Variants in SHROOM3 observed in about 807,000 individuals in gnomAD.
SHROOM3 encodes the protein shroom family member 3, also known as protein Shroom3.
SHROOM3 carries 47 observed loss-of-function variants against 138.6 expected under a neutral mutation model. That is an observed-to-expected ratio of 0.34 (90% CI 0.27 to 0.43). The LOEUF (loss-of-function observed/expected upper bound fraction) is 0.43, where lower values mean the gene tolerates loss of function less well. SHROOM3 is among the 20% of genes least tolerant of loss of function. The pLI is 1.00. For missense variants in SHROOM3, 2,491 were observed against 2,596.5 expected, an observed-to-expected ratio of 0.96 and a Z score of 0.88; for synonymous variants, 1,062 against 1,063.3, an observed-to-expected ratio of 1.00 and a Z score of 0.02.
chr4:76,525,801 C>T (rs1732676970), intron 1 of SHROOM3, among the ~76,000 whole-genome samples: 1 of 152,196 alleles, frequency 6.6e-6, no homozygotes, highest in Non-Finnish European at 1.5e-5. Flanking sequence ...ATCATTGCCT[C>T]AGCATGGATG....
rs531027810 is a variant in SHROOM3, at chr4:76,447,459, T to C, written c.168+11239T>C. On this transcript the variant is annotated intron_variant, in intron 1 of 10. Coordinates refer to ENST00000296043, the MANE Select transcript of SHROOM3 (RefSeq NM_020859.4). ...TTCACATTTTTGAGGCCTTGTCTCA[T>C]GGAAACTGGGAAATGAGCTTCTGGA... 2.6e-5 allele frequency among the ~76,000 whole-genome samples: 4 copies of C among 152,258 alleles called. No homozygotes were observed. The East Asian group carries it at 5.8e-4, about 22-fold the overall frequency.
In SHROOM3 at chr4:76,754,474, T is replaced by C. The variant is rs1721736146; in HGVS notation, c.3991T>C (p.Cys1331Arg). Residue 1331 changes from cysteine to arginine, a missense_variant, in exon 7 of 11, where the codon TGC becomes CGC. Around this residue, in one of 4 missense-constraint regions of SHROOM3, gnomAD observed 1,733 missense variants for 1,661.6 expected, o/e 1.04. Transcript: ENST00000296043. ...DHQRQASRTP[C>R]PRPPLAGTQG... The stretch of plus-strand genomic sequence containing the variant: ...TCAGAGGCAAGCCAGTAGGACACCC[T>C]GCCCCAGGCCACCACTGGCAGGAAC... 2 of 1,614,162 alleles carry C rather than the reference T, an allele frequency of 1.2e-6. No homozygotes were observed. Among genetic ancestry groups the C allele is most frequent in the Non-Finnish European group, 1.7e-6 (2 of 1,180,002 alleles).
chr4:76,472,339 A>T (rs1271217509), intron 1 of SHROOM3, among the ~76,000 whole-genome samples: 2 of 152,326 alleles, frequency 1.3e-5, no homozygotes, highest in East Asian at 1.9e-4. Flanking sequence ...TAATTCAATG[A>T]TATTTGTTAT....
At chr4:76,487,669 G>A (rs1731761233) in intron 1 of SHROOM3, among the ~76,000 whole-genome samples, 2 of 150,106 alleles carry the variant, frequency 1.3e-5, no homozygotes, top group South Asian at 4.2e-4. Context: ...TACTGGGTTA[G>A]TCTCTTTGAA....
chr4:76,782,584 T>G lies in SHROOM3; in HGVS notation c.*3407T>G, dbSNP rs1354873234. The G allele has an allele frequency of 6.6e-6, 1 of 152,236 alleles. No homozygotes were observed. The highest frequency in any genetic ancestry group is 1.5e-5 in the Non-Finnish European group (1 of 68,036). The allele number at this position is 152,236 out of a possible 1,614,324, so 9.4% of individuals were successfully genotyped here. ...ACCCAAGGAAATGTTGGCTTTTTATTCTTATGTGGTTCCAAATTTACTTCT... is the reference window on the plus strand; with the variant it reads ...ACCCAAGGAAATGTTGGCTTTTTATGCTTATGTGGTTCCAAATTTACTTCT... On this transcript the variant is annotated 3_prime_UTR_variant, in exon 11 of 11. Coordinates refer to ENST00000296043, the MANE Select transcript of SHROOM3 (RefSeq NM_020859.4).
intron 2 of SHROOM3, among the ~76,000 whole-genome samples, chr4:76,709,491 T>C (rs1720161990): frequency 6.6e-6 from 1 of 151,836 alleles, no homozygotes; most frequent in Non-Finnish European, 1.5e-5. Flanking sequence ...ATTGGCCATG[T>C]AGGGCTTAAA....
intron 1 of SHROOM3, among the ~76,000 whole-genome samples, chr4:76,494,056 T>C (rs2109995231): frequency 6.6e-6 from 1 of 152,298 alleles, no homozygotes; most frequent in Admixed American, 6.5e-5. Flanking sequence ...CGGTCCTTGT[T>C]CCTAATTTTG....
intron 2 of SHROOM3, among the ~76,000 whole-genome samples, chr4:76,602,338 G>T (rs995634441): frequency 5.9e-5 from 9 of 151,942 alleles, no homozygotes; most frequent in Non-Finnish European, 1.5e-5. Context: ...TTGGACAAAG[G>T]ATTTCTCTCC....
chr4:76,651,175 G>A (rs1488554723), intron 2 of SHROOM3, among the ~76,000 whole-genome samples: 1 of 151,588 alleles, frequency 6.6e-6, no homozygotes, highest in Non-Finnish European at 1.5e-5. Flanking sequence ...ATGGTTAATG[G>A]GTAAAAACAA....
intron 2 of SHROOM3, among the ~76,000 whole-genome samples, chr4:76,645,816 G>A (rs1735801235): frequency 6.6e-6 from 1 of 151,970 alleles, no homozygotes; most frequent in African/African-American, 2.4e-5. Flanking sequence ...TCCAAAATCT[G>A]GAAAAATCCC....
intron 10 of SHROOM3, among the ~76,000 whole-genome samples, chr4:76,774,312 T>A (rs370659463): frequency 3.2e-4 from 48 of 152,262 alleles, no homozygotes; most frequent in African/African-American, 1.1e-3. Flanking sequence ...GTAAGTTTGC[T>A]CACCCAAAAA....
At position 76,604,104 on chromosome 4, in the gene SHROOM3, C is replaced by T. The variant is rs192081633; in HGVS notation, c.323+48341C>T. On this transcript the variant is annotated intron_variant, in intron 2 of 10. Transcript: ENST00000296043. ...CCTCCCAAAGTGCTGGGATTACAGGCGTGAGCCACTGTGCCCGACTGCATC... is the reference window on the plus strand; with the variant it reads ...CCTCCCAAAGTGCTGGGATTACAGGTGTGAGCCACTGTGCCCGACTGCATC... 3.8e-3 allele frequency among the ~76,000 whole-genome samples: 574 copies of T among 152,146 alleles called. 1 individual carries two copies. Among genetic ancestry groups the T allele is most frequent in the African/African-American group, 0.013 (531 of 41,522 alleles).
chr4:76,561,686 TAAAA>T (rs549046211), intron 2 of SHROOM3, among the ~76,000 whole-genome samples: 5 of 89,372 alleles, frequency 5.6e-5, no homozygotes, highest in East Asian at 3.2e-4. Flanking sequence ...TCTGTGATGC[TAAAA>T]AAAAAAAAAA....
At chr4:76,497,749 T>C (rs1336511765) in intron 1 of SHROOM3, among the ~76,000 whole-genome samples, 1 of 152,096 alleles carries the variant, frequency 6.6e-6, no homozygotes, top group Admixed American at 6.6e-5. Context: ...TCCCAGCTAC[T>C]TGGGAAGCTG....
intron 1 of SHROOM3, among the ~76,000 whole-genome samples, chr4:76,478,288 G>C (rs1220974835): frequency 1.3e-5 from 2 of 152,130 alleles, no homozygotes; most frequent in African/African-American, 4.8e-5. Context: ...CAAGTTTGGT[G>C]GGGGGAGGGG....
intron 1 of SHROOM3, among the ~76,000 whole-genome samples, chr4:76,474,743 A>G (rs148371787): frequency 0.051 from 7,794 of 151,962 alleles, 241 homozygotes; most frequent in African/African-American, 0.083. Flanking sequence ...GGTAAAACCC[A>G]TCTCTACTAA....
At chr4:76,443,812 C>G (rs757823504) in intron 1 of SHROOM3, among the ~76,000 whole-genome samples, 2 of 152,238 alleles carry the variant, frequency 1.3e-5, no homozygotes, top group Non-Finnish European at 2.9e-5. Flanking sequence ...ACAGAACACT[C>G]TGTCCTGGGC....
chr4:76,521,043 T>C (rs1732553818), intron 1 of SHROOM3, among the ~76,000 whole-genome samples: 1 of 152,250 alleles, frequency 6.6e-6, no homozygotes, highest in African/African-American at 2.4e-5. Flanking sequence ...TGGCTGCTGC[T>C]AAGCTCAGGA....
At chr4:76,526,813 T>A in intron 1 of SHROOM3, among the ~76,000 whole-genome samples, 1 of 152,254 alleles carries the variant, frequency 6.6e-6, no homozygotes, top group African/African-American at 2.4e-5. Flanking sequence ...ATATAATAAT[T>A]GTTTAGCTGC....
Sources: gnomAD v4.1 joint callset for allele counts (sites outside exome capture counted in the v4.1 genomes callset) on GRCh38, gnomAD v4.1.1 for gene constraint, gnomAD v4.1.1 regional missense constraint, MANE v1.5 for transcripts, NCBI Gene and HGNC (gene_info 2026-07-23, HGNC 2026-07-21) for gene names.